The following BRWD1 variants were observed in gnomAD, a reference collection of about 807,000 sequenced individuals.
BRWD1 encodes bromodomain and WD repeat-containing protein 1.
A neutral mutation model predicts 251.2 loss-of-function variants in BRWD1; 82 were observed. The ratio of observed to expected loss-of-function variants is 0.33; its 90% CI spans 0.27 to 0.39. BRWD1 has a LOEUF of 0.39. Among genes scored for constraint, BRWD1 ranks in the 10% least tolerant of loss-of-function variants. The probability of loss-of-function intolerance (pLI) is 1.00; values close to 1 mark genes in which losing one functional copy is unlikely to be tolerated. For missense variants in BRWD1, 2,233 were observed against 2,711.6 expected (o/e 0.82, Z 3.92); for synonymous variants, 918 against 902.8 (o/e 1.02, Z -0.30).
chr21:39,228,037 C>A (rs577079504), intron 27 of BRWD1, among the ~76,000 whole-genome samples: 1 of 152,174 alleles, frequency 6.6e-6, no homozygotes, highest in African/African-American at 2.4e-5. Context: ...CACCTCTAAT[C>A]CCAGCAGTTT....
At chr21:39,265,498 T>C (rs558095068) in intron 15 of BRWD1, among the ~76,000 whole-genome samples, 1 of 152,108 alleles carries the variant, frequency 6.6e-6, no homozygotes, top group Admixed American at 6.6e-5. Context: ...AAAAATAAAA[T>C]TGATTTTGGA....
intron 13 of BRWD1, among the ~76,000 whole-genome samples, chr21:39,273,855 G>A (rs572819335): frequency 1.3e-5 from 2 of 152,244 alleles, no homozygotes; most frequent in South Asian, 4.1e-4. Context: ...GTTAAAATCA[G>A]GAAACAAACT....
At chr21:39,227,850 T>C (rs894763343) in intron 27 of BRWD1, among the ~76,000 whole-genome samples, 1 of 152,172 alleles carries the variant, frequency 6.6e-6, no homozygotes, top group African/African-American at 2.4e-5. Context: ...ATGCCAATGT[T>C]ACATCAAAGA....
Position 39,193,597 on chromosome 21 carries a change from C to T in BRWD1, c.*2662G>A. On this transcript the variant is annotated 3_prime_UTR_variant, in exon 41 of 41. Transcript: ENST00000342449. ...ACCATAGGACTTTGGACATACACAA[C>T]CAAAGTAGTTTTTGTTTTTCACATA... 2 of 985,446 alleles carry T rather than the reference C, an allele frequency of 2.0e-6. No homozygotes were observed. Among genetic ancestry groups the T allele is most frequent in the Non-Finnish European group, 2.4e-6 (2 of 829,694 alleles). The allele number at this position is 985,446 out of a possible 1,614,324, so 61.0% of individuals were successfully genotyped here.
chr21:39,313,594 GC>G lies in BRWD1; in HGVS notation c.-104del. 3 of 777,262 alleles carry G rather than the reference GC, an allele frequency of 3.9e-6. No individual in the cohort carries two copies. Among genetic ancestry groups the G allele is most frequent in the Non-Finnish European group, 5.1e-6 (3 of 587,140 alleles). The allele number at this position is 777,262 out of a possible 1,614,324, so 48.1% of individuals were successfully genotyped here. A position where few individuals can be genotyped will look rare whatever the true frequency, so the allele number is the denominator to read the frequency against. On this transcript the variant is annotated 5_prime_UTR_variant, in exon 1 of 41. It removes the in-frame stop codon of an upstream open reading frame in the 5' UTR. Coordinates refer to ENST00000342449, the MANE Select transcript of BRWD1 (RefSeq NM_033656.4). ...CGTCCCCTCTTCTCAGGCGCGCGCC[GC>G]CGCCGCCGCCGCCGCCGCCATACCG...
intron 15 of BRWD1, among the ~76,000 whole-genome samples, chr21:39,268,330 A>T (rs2034991164): frequency 6.6e-6 from 1 of 151,688 alleles, no homozygotes; most frequent in African/African-American, 2.4e-5. Flanking sequence ...AATCCCAGCT[A>T]TTCGGGAGGC....
chr21:39,187,543 A>C lies in BRWD1; in HGVS notation c.*8716T>G. 1 of 1,397,620 alleles carries C rather than the reference A, an allele frequency of 7.2e-7. No individual in the cohort carries two copies. Among genetic ancestry groups the C allele is most frequent in the Non-Finnish European group, 9.2e-7 (1 of 1,081,902 alleles). 86.6% of individuals were successfully genotyped at this position (1,397,620 alleles called of 1,614,324 possible). A position where few individuals can be genotyped will look rare whatever the true frequency, so the allele number is the denominator to read the frequency against. Reference sequence around the variant, plus strand: ...TTTAAAAGTCATATTGCTAAATGATAAATTTTAAAATGTGATACTAAGGGC... The same window carrying C: ...TTTAAAAGTCATATTGCTAAATGATCAATTTTAAAATGTGATACTAAGGGC... On this transcript the variant is annotated 3_prime_UTR_variant, in exon 41 of 41. Coordinates refer to ENST00000342449, the MANE Select transcript of BRWD1 (RefSeq NM_033656.4).
chr21:39,268,967 G>A (rs948606232), intron 15 of BRWD1, among the ~76,000 whole-genome samples: 7 of 152,066 alleles, frequency 4.6e-5, no homozygotes, highest in East Asian at 1.9e-4. Flanking sequence ...CAGCCTGGGC[G>A]ACAGAGCGAG....
chr21:39,255,411 T>A (rs1394755285), intron 19 of BRWD1, among the ~76,000 whole-genome samples: 2 of 150,170 alleles, frequency 1.3e-5, no homozygotes, highest in Non-Finnish European at 3.0e-5. Flanking sequence ...AAACTCCGTC[T>A]CGAAAAAAAA....
At chr21:39,260,904 G>A (rs1330606172) in intron 17 of BRWD1, among the ~76,000 whole-genome samples, 1 of 152,164 alleles carries the variant, frequency 6.6e-6, no homozygotes, top group Non-Finnish European at 1.5e-5. Flanking sequence ...TCTGTAATGA[G>A]GTCTCATCAA....
At chr21:39,312,797 G>A (rs772278161) in intron 4 of BRWD1, 44 bp downstream of exon 4, 7 of 1,524,778 alleles carry the variant, frequency 4.6e-6, no homozygotes, top group Non-Finnish European at 6.3e-6. Context: ...GGGGCGGGGG[G>A]CGGTGCACGG....
At chr21:39,312,428 A>G (rs1349794794) in intron 4 of BRWD1, 1 of 164,084 alleles carries the variant, frequency 6.1e-6, no homozygotes, top group Non-Finnish European at 1.3e-5. Context: ...CCTAGGGAAC[A>G]AGTGGGGGGA....
chr21:39,294,412 C>T (rs1002279448), intron 7 of BRWD1, among the ~76,000 whole-genome samples: 2 of 152,222 alleles, frequency 1.3e-5, no homozygotes, highest in Admixed American at 6.5e-5. Context: ...AATCCCAACA[C>T]TTTGGGAGGC....
In BRWD1 at chr21:39,193,440, T is replaced by A. The variant is rs934617385; in HGVS notation, c.*2819A>T. On this transcript the variant is annotated 3_prime_UTR_variant, in exon 41 of 41. Coordinates refer to ENST00000342449, the MANE Select transcript of BRWD1 (RefSeq NM_033656.4). Reference sequence around the variant, plus strand: ...AAGGAGGACACGAAAAAAGAAAGCTTTGTTAACACTCATCTATCTTGTCAA... The same window carrying A: ...AAGGAGGACACGAAAAAAGAAAGCTATGTTAACACTCATCTATCTTGTCAA... 2.3e-5 allele frequency: 23 copies of A among 984,638 alleles called. No individual in the cohort carries two copies. The highest frequency in any genetic ancestry group is 2.8e-5 in the Non-Finnish European group (23 of 829,386). 61.0% of individuals were successfully genotyped at this position (984,638 alleles called of 1,614,324 possible).
At chr21:39,299,268 A>G (rs1391637478) in intron 4 of BRWD1, among the ~76,000 whole-genome samples, 2 of 151,778 alleles carry the variant, frequency 1.3e-5, no homozygotes, top group Admixed American at 1.3e-4. Context: ...AAATATATAT[A>G]TATGCTAACT....
chr21:39,233,995 G>A (rs2033719935), intron 23 of BRWD1, among the ~76,000 whole-genome samples: 1 of 152,056 alleles, frequency 6.6e-6, no homozygotes, highest in Admixed American at 6.6e-5. Context: ...GCTCCAGCCT[G>A]GGTGACAGAG....
chr21:39,199,047 T>G lies in BRWD1; in HGVS notation c.5369A>C (p.Glu1790Ala). ...AGATCTTCCTGGTTCAGAATCTGCTTCCTCTGAGATGCTCTCTGCCTTAAG... is the reference window on the plus strand; with the variant it reads ...AGATCTTCCTGGTTCAGAATCTGCTGCCTCTGAGATGCTCTCTGCCTTAAG... ...QKLKAESISE[E>A]ADSEPGRSGG... The change falls in exon 40 of 41, where the codon GAA becomes GCA. Residue 1790 changes from glutamate to alanine, a missense_variant. Glu to Ala is a moderately radical substitution (Grantham distance 107). Transcript: ENST00000342449. 6.2e-6 allele frequency: 10 copies of G among 1,614,186 alleles called. No homozygotes were observed. Among genetic ancestry groups the G allele is most frequent in the Non-Finnish European group, 7.6e-6 (9 of 1,180,028 alleles).
In BRWD1 at chr21:39,218,486, T is replaced by A; in HGVS notation, c.3538+19A>T. ...AAATTGAAAAAAAAACTTTTCATCC[T>A]AAAAAATAAAAAACTTACCAAGATT... On this transcript the variant is annotated intron_variant, in intron 30 of 40. Transcript: ENST00000342449. 16 of 1,557,336 alleles carry A rather than the reference T, an allele frequency of 1.0e-5. No homozygotes were observed. The highest frequency in any genetic ancestry group is 1.4e-5 in the Non-Finnish European group (16 of 1,159,932).
intron 16 of BRWD1, 77 bp downstream of exon 16, chr21:39,264,814 A>G: frequency 5.8e-6 from 9 of 1,558,442 alleles, no homozygotes; most frequent in Non-Finnish European, 7.9e-6. Flanking sequence ...TTTCCAAAAC[A>G]TAGCTCATAA....
Sources: gnomAD v4.1 joint callset for allele counts (sites outside exome capture counted in the v4.1 genomes callset) on GRCh38, gnomAD v4.1.1 for gene constraint, MANE v1.5 for transcripts, NCBI Gene and HGNC (gene_info 2026-07-23, HGNC 2026-07-21) for gene names.